The following RBFOX1 variants were observed in gnomAD, a reference collection of about 807,000 sequenced individuals.
RBFOX1 encodes RNA binding fox-1 homolog 1.
RBFOX1 carries 8 observed loss-of-function variants against 57.7 expected under a neutral mutation model. The observed-to-expected ratio is 0.14, with a 90% CI of 0.08 to 0.25. RBFOX1 has a LOEUF of 0.25. Among genes scored for constraint, RBFOX1 ranks in the 10% least tolerant of loss-of-function variants. The probability of loss-of-function intolerance (pLI) is 1.00; values close to 1 mark genes in which losing one functional copy is unlikely to be tolerated. For missense variants in RBFOX1, 611 were observed against 548.5 expected (o/e 1.11, Z -1.14); for synonymous variants, 326 against 222.4 (o/e 1.47, Z -4.15).
At chr16:7,181,782 G>C (rs778368234) in intron 4 of RBFOX1, among the ~76,000 whole-genome samples, 1 of 152,010 alleles carries the variant, frequency 6.6e-6, no homozygotes, top group Non-Finnish European at 1.5e-5. Context: ...GCTGGTCTCA[G>C]ACTCCTGAGC....
chr16:5,518,838 T>C (rs1319712289), intron 2 of RBFOX1, among the ~76,000 whole-genome samples: 3 of 152,218 alleles, frequency 2.0e-5, no homozygotes, highest in African/African-American at 7.2e-5. Context: ...ATGGCTGTTA[T>C]GAGTTGAACC....
chr16:7,231,754 G>T (rs967136458), intron 4 of RBFOX1, among the ~76,000 whole-genome samples: 2 of 152,148 alleles, frequency 1.3e-5, no homozygotes, highest in Admixed American at 6.5e-5. Flanking sequence ...ATGCTACAAC[G>T]TGGATGGACC....
chr16:5,299,752 C>A (rs1265969009), intron 1 of RBFOX1, among the ~76,000 whole-genome samples: 1 of 151,888 alleles, frequency 6.6e-6, no homozygotes, highest in East Asian at 1.9e-4. Context: ...GATAGTTTTT[C>A]TTCTTTTCCT....
intron 4 of RBFOX1, among the ~76,000 whole-genome samples, chr16:7,275,490 A>G (rs928399735): frequency 1.3e-5 from 2 of 152,198 alleles, no homozygotes; most frequent in African/African-American, 2.4e-5. Context: ...AATTTTTGAC[A>G]TGCCTGCATA....
At chr16:7,420,338 C>T (rs556703784) in intron 4 of RBFOX1, among the ~76,000 whole-genome samples, 6 of 152,172 alleles carry the variant, frequency 3.9e-5, no homozygotes, top group African/African-American at 7.2e-5. Flanking sequence ...TATGCTTAGG[C>T]TTAAGATTTA....
intron 1 of RBFOX1, among the ~76,000 whole-genome samples, chr16:6,309,626 A>AGT (rs1479881246): frequency 1.3e-5 from 2 of 152,024 alleles, no homozygotes; most frequent in African/African-American, 4.8e-5. Flanking sequence ...AAGACAGGAA[A>AGT]TTAAACACAC....
intron 1 of RBFOX1, among the ~76,000 whole-genome samples, chr16:5,438,944 G>C (rs1324728687): frequency 6.6e-6 from 1 of 151,842 alleles, no homozygotes; most frequent in Non-Finnish European, 1.5e-5. Context: ...TGTGGATGGG[G>C]AGGTGGTAAG....
At chr16:5,283,038 C>T (rs1281964809) in intron 1 of RBFOX1, among the ~76,000 whole-genome samples, 1 of 152,136 alleles carries the variant, frequency 6.6e-6, no homozygotes, top group South Asian at 2.1e-4. Flanking sequence ...TGCCTGAGTC[C>T]TAGCCACTCC....
At chr16:5,349,190 C>T (rs1322699891) in intron 1 of RBFOX1, among the ~76,000 whole-genome samples, 2 of 152,146 alleles carry the variant, frequency 1.3e-5, no homozygotes, top group African/African-American at 2.4e-5. Flanking sequence ...AACCAATCAC[C>T]GAAGTACAAA....
At chr16:7,015,995 G>C (rs1287734871) in intron 3 of RBFOX1, among the ~76,000 whole-genome samples, 1 of 152,078 alleles carries the variant, frequency 6.6e-6, no homozygotes. Flanking sequence ...AGTAGTTATT[G>C]CTGTGTGGTG....
At chr16:6,304,923 C>G (rs2079297157) in intron 1 of RBFOX1, among the ~76,000 whole-genome samples, 1 of 144,456 alleles carries the variant, frequency 6.9e-6, no homozygotes, top group Non-Finnish European at 1.5e-5. Context: ...AGAGACGTTG[C>G]TTTGTAAACC....
intron 4 of RBFOX1, among the ~76,000 whole-genome samples, chr16:7,149,501 T>TTA (rs1491444248): frequency 0.03 from 3,486 of 117,526 alleles, 64 homozygotes; most frequent in Non-Finnish European, 0.042. Context: ...TTTTTTTTTT[T>TTA]TCCCCGACAG....
At chr16:6,895,515 C>T (rs909579749) in intron 3 of RBFOX1, among the ~76,000 whole-genome samples, 1 of 139,540 alleles carries the variant, frequency 7.2e-6, no homozygotes. Flanking sequence ...AACAAGCTGT[C>T]GATTCCTCTC....
Position 6,591,257 on chromosome 16 carries a change from C to G in RBFOX1, c.-63-63346C>G, listed in dbSNP as rs562095562. On this transcript the variant is annotated intron_variant, in intron 2 of 15. Transcript: ENST00000550418. ...GGCCAGGAGTTCAAGACCAGCCTGG[C>G]CAACATGATGAAACACCACCTCTAC... Among the ~76,000 whole-genome samples, 4 of 152,150 alleles carry G rather than the reference C, an allele frequency of 2.6e-5. No individual in the cohort carries two copies. In the East Asian group the frequency reaches 5.8e-4, roughly 22 times the overall value.
At chr16:7,118,526 TA>T (rs1478104639) in intron 4 of RBFOX1, among the ~76,000 whole-genome samples, 1 of 152,128 alleles carries the variant, frequency 6.6e-6, no homozygotes, top group Non-Finnish European at 1.5e-5. Context: ...CCTTCCCCAC[TA>T]TACAATTCAT....
At chr16:7,033,962 C>G (rs535643119) in intron 3 of RBFOX1, among the ~76,000 whole-genome samples, 9 of 152,308 alleles carry the variant, frequency 5.9e-5, no homozygotes, top group Non-Finnish European at 8.8e-5. Context: ...AAGCAAGACC[C>G]TGTCTAAAAT....
In RBFOX1 at chr16:6,555,599, C is replaced by G. The variant is rs144243262; in HGVS notation, c.-63-99004C>G. On this transcript the variant is annotated intron_variant, in intron 2 of 15. Coordinates refer to ENST00000550418, the MANE Select transcript of RBFOX1 (RefSeq NM_018723.4). ...CCTGTAGTCCCAGCTACTCAGGAGG[C>G]TGAGGCAGGAGAATGGCGTGAATCC... Among the ~76,000 whole-genome samples, 1,388 of 152,112 alleles carry G rather than the reference C, an allele frequency of 9.1e-3. 23 individuals are homozygous for G. Among genetic ancestry groups the G allele is most frequent in the African/African-American group, 0.031 (1,291 of 41,498 alleles).
At chr16:5,636,653 A>G (rs948606521) in intron 3 of RBFOX1, among the ~76,000 whole-genome samples, 9 of 152,200 alleles carry the variant, frequency 5.9e-5, no homozygotes, top group Admixed American at 5.2e-4. Context: ...ACTCGTAGGA[A>G]TATGAATCTA....
intron 3 of RBFOX1, among the ~76,000 whole-genome samples, chr16:6,930,925 A>G (rs1453528685): frequency 1.3e-5 from 2 of 151,672 alleles, no homozygotes; most frequent in Admixed American, 6.6e-5. Context: ...GTGTATTTGT[A>G]TGTATATTCA....
Sources: gnomAD v4.1 joint callset for allele counts (sites outside exome capture counted in the v4.1 genomes callset) on GRCh38, gnomAD v4.1.1 for gene constraint, MANE v1.5 for transcripts, NCBI Gene and HGNC (gene_info 2026-07-23, HGNC 2026-07-21) for gene names.